Variants in C10orf90 observed in about 807,000 individuals in gnomAD.
C10orf90 encodes chromosome 10 open reading frame 90.
A neutral mutation model predicts 62.5 loss-of-function variants in C10orf90; 56 were observed. The ratio of observed to expected loss-of-function variants is 0.90; its 90% CI spans 0.72 to 1.12. C10orf90 has a LOEUF of 1.12. C10orf90 is among the 50% of genes most tolerant of loss of function. The probability of loss-of-function intolerance (pLI) is 0.00; values close to 1 mark genes in which losing one functional copy is unlikely to be tolerated. For missense variants in C10orf90, 970 were observed against 880.4 expected (o/e 1.10, Z -1.29); for synonymous variants, 386 against 340.4 (o/e 1.13, Z -1.47).
chr10:126,639,530 G>A (rs530761050), intron 2 of C10orf90, among the ~76,000 whole-genome samples: 3 of 152,262 alleles, frequency 2.0e-5, no homozygotes, highest in South Asian at 2.1e-4. Context: ...GAAATCATGG[G>A]TAGGTCTCCT....
At chr10:126,450,163 G>A (rs1859082472) in intron 7 of C10orf90, among the ~76,000 whole-genome samples, 1 of 152,126 alleles carries the variant, frequency 6.6e-6, no homozygotes, top group Non-Finnish European at 1.5e-5. Flanking sequence ...ATAGAACACT[G>A]ATGAAAGAAA....
At position 126,504,280 on chromosome 10, in the gene C10orf90, T is replaced by C; in HGVS notation, c.1211A>G (p.Asp404Gly). ...TATTGGCTCTCTGTTCACTAGGCCA[T>C]CTACTCCATCTGCTGTTAATCTGTG... ...SSHRLTADGV[D>G]GLVNREPISE... The change falls in exon 4 of 10, where the codon GAT (aspartate) becomes GGT (glycine). Residue 404 changes from aspartate (D) to glycine (G), a missense_variant. By Grantham distance (94) the Asp-to-Gly change is moderately conservative. Coordinates refer to ENST00000488181, the MANE Select transcript of C10orf90 (RefSeq NM_001350921.2). The surrounding 1 kb of genome is among the most constrained non-coding windows in gnomAD (Gnocchi z 4.1). 1 of 1,614,198 alleles carries C rather than the reference T, an allele frequency of 6.2e-7. No individual in the cohort carries two copies. The highest frequency in any genetic ancestry group is 8.5e-7 in the Non-Finnish European group (1 of 1,180,032).
At chr10:126,645,140 T>C (rs973284269) in intron 2 of C10orf90, among the ~76,000 whole-genome samples, 21 of 151,010 alleles carry the variant, frequency 1.4e-4, no homozygotes, top group East Asian at 3.9e-4. Context: ...AGGGATAGCA[T>C]TGGGAGGTAT....
intron 2 of C10orf90, among the ~76,000 whole-genome samples, chr10:126,552,788 T>C (rs1361603367): frequency 6.6e-6 from 1 of 152,234 alleles, no homozygotes; most frequent in East Asian, 1.9e-4. Context: ...AATTACATCA[T>C]CTCTCTGAGC....
chr10:126,427,662 C>T (rs550338120), intron 8 of C10orf90, among the ~76,000 whole-genome samples: 12 of 152,306 alleles, frequency 7.9e-5, no homozygotes, highest in East Asian at 3.9e-4. Flanking sequence ...CCCCTCCTGC[C>T]GTTGGACATC....
At chr10:126,609,800 G>A (rs902700308) in intron 2 of C10orf90, among the ~76,000 whole-genome samples, 1 of 152,244 alleles carries the variant, frequency 6.6e-6, no homozygotes, top group Admixed American at 6.5e-5. Flanking sequence ...TGCATGGGCA[G>A]GGGGACTGTG....
chr10:126,520,405 G>A (rs535460278), intron 2 of C10orf90: 16 of 152,288 alleles, frequency 1.1e-4, no homozygotes, highest in Admixed American at 9.8e-4. Flanking sequence ...GGGACCCTGG[G>A]AGTTCAAGGA....
At chr10:126,471,297 A>AG (rs1444149178) in intron 4 of C10orf90, among the ~76,000 whole-genome samples, 7 of 152,194 alleles carry the variant, frequency 4.6e-5, no homozygotes, top group African/African-American at 1.4e-4. Context: ...GCAGACATGG[A>AG]GGGGGCCTTT....
chr10:126,524,479 G>T (rs11245017), intron 2 of C10orf90: 12,172 of 313,952 alleles, frequency 0.039, 1,424 homozygotes, highest in African/African-American at 0.25. Context: ...CAGGAATCCT[G>T]CTGGGAAGAC....
intron 7 of C10orf90, among the ~76,000 whole-genome samples, chr10:126,435,213 A>T (rs1157152595): frequency 6.6e-6 from 1 of 152,220 alleles, no homozygotes; most frequent in East Asian, 1.9e-4. Context: ...AGAGTTGCTG[A>T]TGTAACAATC....
intron 2 of C10orf90, among the ~76,000 whole-genome samples, chr10:126,598,905 T>G (rs954241339): frequency 2.0e-5 from 3 of 152,226 alleles, no homozygotes; most frequent in African/African-American, 7.2e-5. Flanking sequence ...AATTAAATAA[T>G]GAAGGCTTAG....
At chr10:126,496,740 G>C in intron 4 of C10orf90, 1 of 983,520 alleles carries the variant, frequency 1.0e-6, no homozygotes, top group Non-Finnish European at 1.2e-6. Flanking sequence ...AAGGTAGTTT[G>C]AGGAAGGAAA....
At position 126,564,821 on chromosome 10, in the gene C10orf90, ACT is replaced by A. The variant is rs201641432; in HGVS notation, c.314-50884_314-50883del. Among the ~76,000 whole-genome samples, 5 of 12,988 alleles carry A rather than the reference ACT, an allele frequency of 3.8e-4. 1 individual carries two copies. Among genetic ancestry groups the A allele is most frequent in the East Asian group, 5.0e-3 (2 of 404 alleles). 8.5% of individuals were successfully genotyped at this position (12,988 alleles called of 152,430 possible). On this transcript the variant is annotated intron_variant, in intron 2 of 9. Transcript: ENST00000488181. ...ACTCAATTACAAGTTTAGGAATAAG[ACT>A]CTCTCTCTCTATATATATATTATAT...
chr10:126,645,501 G>A (rs940222052), intron 2 of C10orf90, among the ~76,000 whole-genome samples: 2 of 151,388 alleles, frequency 1.3e-5, no homozygotes, highest in Non-Finnish European at 2.9e-5. Context: ...GAAGTGGGAG[G>A]ATCGCTTGAG....
chr10:126,668,944 C>T (rs1431113329), intron 1 of C10orf90, among the ~76,000 whole-genome samples: 5 of 152,178 alleles, frequency 3.3e-5, no homozygotes, highest in South Asian at 4.2e-4. Context: ...GTTTTATATA[C>T]GAAGAAAACG....
intron 1 of C10orf90, among the ~76,000 whole-genome samples, chr10:126,649,860 C>T (rs986528541): frequency 3.3e-5 from 5 of 152,058 alleles, no homozygotes; most frequent in Admixed American, 1.3e-4. Flanking sequence ...TGGTGTCCAG[C>T]ACCATGGTGG....
intron 2 of C10orf90, among the ~76,000 whole-genome samples, chr10:126,532,929 A>ATTAT (rs553410812): frequency 0.024 from 3,457 of 145,964 alleles, 85 homozygotes; most frequent in Non-Finnish European, 0.037. Context: ...TATTATTATT[A>ATTAT]TTATTTATTT....
At position 126,627,996 on chromosome 10, in the gene C10orf90, C is replaced by T. The variant is rs147068101; in HGVS notation, c.313+18569G>A. Among the ~76,000 whole-genome samples the T allele has an allele frequency of 4.9e-3, 741 of 152,268 alleles. 4 individuals are homozygous for T. Among genetic ancestry groups the T allele is most frequent in the African/African-American group, 0.016 (648 of 41,552 alleles). ...GAAAACTTGCTTGTTCTTTTAATCT[C>T]GAAAGAGCAAGTGTCTCTTAAAAAA... On this transcript the variant is annotated intron_variant, in intron 2 of 9. Transcript: ENST00000488181.
chr10:126,488,434 T>A (rs1301342818), intron 4 of C10orf90, among the ~76,000 whole-genome samples: 1 of 152,024 alleles, frequency 6.6e-6, no homozygotes, highest in African/African-American at 2.4e-5. Context: ...GATCTAAGCT[T>A]TTTAAGAATC....
Sources: allele counts gnomAD v4.1 joint callset (sites outside exome capture counted in the v4.1 genomes callset), GRCh38; gene constraint gnomAD v4.1.1; non-coding constraint Gnocchi (gnomAD v3.1); transcripts MANE v1.5; gene names NCBI Gene and HGNC (gene_info 2026-07-23, HGNC 2026-07-21).